Variants in TAFA1 observed in about 807,000 individuals in gnomAD.
TAFA1 encodes chemokine-like protein TAFA-1.
Under a neutral mutation model 18.5 loss-of-function variants are expected in TAFA1, and 4 were observed. The ratio of observed to expected loss-of-function variants is 0.22; its 90% confidence interval spans 0.11 to 0.49. TAFA1 has a LOEUF of 0.49. Ranked by LOEUF, TAFA1 falls within the 20% of genes least tolerant of loss-of-function variation. The pLI is 0.98. For missense variants in TAFA1, 147 were observed against 169.0 expected (o/e 0.87, Z 0.72); for synonymous variants, 56 against 55.2 (o/e 1.01, Z -0.06).
At chr3:67,999,222 G>A in the TAFA1 span, among the ~76,000 whole-genome samples, 5 of 151,140 alleles carry the variant, frequency 3.3e-5, no homozygotes, top group East Asian at 1.9e-4. Context: ...CCACACTGCC[G>A]AAAGTTCTCT....
intron 2 of TAFA1, among the ~76,000 whole-genome samples, chr3:68,275,957 G>T (rs1203555657): frequency 6.6e-6 from 1 of 152,106 alleles, no homozygotes; most frequent in Non-Finnish European, 1.5e-5. Context: ...TAGGGACCAT[G>T]TCTTCCCACT....
intron 2 of TAFA1, among the ~76,000 whole-genome samples, chr3:68,293,800 G>A (rs777205296): frequency 2.0e-5 from 3 of 152,152 alleles, no homozygotes; most frequent in African/African-American, 7.2e-5. Flanking sequence ...TTTCCAGGTC[G>A]AGAACTGTGG....
At chr3:68,486,558 A>G (rs1477584843) in intron 3 of TAFA1, among the ~76,000 whole-genome samples, 1 of 152,176 alleles carries the variant, frequency 6.6e-6, no homozygotes, top group Non-Finnish European at 1.5e-5. Flanking sequence ...TCTTTGATCT[A>G]AGACTGTTTC....
intron 2 of TAFA1, among the ~76,000 whole-genome samples, chr3:68,367,350 G>C (rs985915441): frequency 6.6e-6 from 1 of 152,162 alleles, no homozygotes; most frequent in African/African-American, 2.4e-5. Context: ...TATAAAATGT[G>C]AAAGATCTCT....
chr3:68,017,163 G>A (rs985334114), intron 2 of TAFA1, among the ~76,000 whole-genome samples: 5 of 152,294 alleles, frequency 3.3e-5, no homozygotes, highest in East Asian at 1.9e-4. Flanking sequence ...TAAGACATGA[G>A]TACATGTTAC....
In TAFA1 at chr3:68,282,846, T is replaced by C. The variant is rs913792623; in HGVS notation, c.119-134434T>C. Reference sequence around the variant, plus strand: ...ATTCCAGGTTAATTGATTCCAGATCTGTTCTTGCTAAACTGTTGGTCAGCT... The same window carrying C: ...ATTCCAGGTTAATTGATTCCAGATCCGTTCTTGCTAAACTGTTGGTCAGCT... On this transcript the variant is annotated intron_variant, in intron 2 of 4. Transcript: ENST00000478136. Among the ~76,000 whole-genome samples the C allele has an allele frequency of 2.0e-5, 3 of 152,196 alleles. No individual in the cohort carries two copies. The South Asian group carries it at 6.2e-4, about 32-fold the overall frequency.
chr3:68,071,181 A>C (rs1171482217), intron 2 of TAFA1, among the ~76,000 whole-genome samples: 1 of 152,272 alleles, frequency 6.6e-6, no homozygotes, highest in Non-Finnish European at 1.5e-5. Context: ...ATGAACTTAC[A>C]GTTCCATGTG....
At chr3:68,096,282 A>G (rs934462120) in intron 2 of TAFA1, among the ~76,000 whole-genome samples, 1 of 152,126 alleles carries the variant, frequency 6.6e-6, no homozygotes, top group Non-Finnish European at 1.5e-5. Flanking sequence ...ATGGTCAAAT[A>G]GTATTCCATT....
chr3:68,538,726 C>T lies in TAFA1; in HGVS notation c.260-30C>T, dbSNP rs759854366. The T allele has an allele frequency of 3.4e-5, 55 of 1,610,754 alleles. No individual in the cohort carries two copies. The Admixed American group carries it at 8.7e-4, about 26-fold the overall frequency. ...GTGTTCAGGTTGTTTGGATGAATTG[C>T]AAACACAGTTGTTTCCTGTTTCTGC... On this transcript the variant is annotated intron_variant, in intron 3 of 4. Coordinates refer to ENST00000478136, the MANE Select transcript of TAFA1 (RefSeq NM_213609.4).
At chr3:68,355,693 T>C (rs1559631051) in intron 2 of TAFA1, among the ~76,000 whole-genome samples, 1 of 152,000 alleles carries the variant, frequency 6.6e-6, no homozygotes, top group Non-Finnish European at 1.5e-5. Context: ...GCATACTTTA[T>C]GTAGCTCCAG....
intron 2 of TAFA1, among the ~76,000 whole-genome samples, chr3:68,102,510 G>A (rs1436895082): frequency 6.6e-6 from 1 of 152,120 alleles, no homozygotes; most frequent in Non-Finnish European, 1.5e-5. Flanking sequence ...ATGCACAGAA[G>A]GCTGGCTCTC....
chr3:68,218,890 C>T (rs113799812), intron 2 of TAFA1, among the ~76,000 whole-genome samples: 3 of 152,164 alleles, frequency 2.0e-5, no homozygotes, highest in Non-Finnish European at 2.9e-5. Flanking sequence ...TCTTACTATC[C>T]GTGACCATCA....
chr3:68,368,862 T>C (rs181089864), intron 2 of TAFA1, among the ~76,000 whole-genome samples: 4 of 152,346 alleles, frequency 2.6e-5, no homozygotes, highest in African/African-American at 9.6e-5. Context: ...GTATTCTGAA[T>C]TCGTTGCTTA....
At chr3:68,157,973 C>T (rs946388781) in intron 2 of TAFA1, among the ~76,000 whole-genome samples, 4 of 152,148 alleles carry the variant, frequency 2.6e-5, no homozygotes, top group Admixed American at 1.3e-4. Context: ...TCAATCTATT[C>T]CCTCAGTCTT....
At chr3:68,129,610 G>T (rs1170409740) in intron 2 of TAFA1, among the ~76,000 whole-genome samples, 1 of 152,056 alleles carries the variant, frequency 6.6e-6, no homozygotes, top group Non-Finnish European at 1.5e-5. Flanking sequence ...CATGATAATT[G>T]TTCTTCAAAG....
At chr3:68,326,973 G>T (rs544487069) in intron 2 of TAFA1, among the ~76,000 whole-genome samples, 5 of 152,276 alleles carry the variant, frequency 3.3e-5, no homozygotes, top group Non-Finnish European at 5.9e-5. Flanking sequence ...TGTAGCTCCC[G>T]TAATTCCAAG....
At chr3:68,538,943 G>GTGCAAACAGCATCCACAGAAGCTT in intron 4 of TAFA1, 63 bp downstream of exon 4, 1 of 1,553,642 alleles carries the variant, frequency 6.4e-7, no homozygotes, top group Non-Finnish European at 8.8e-7. Flanking sequence ...AGTTTGTGCT[G>GTGCAAACAGCATCCACAGAAGCTT]TGCAAACAGC....
chr3:68,321,887 T>C lies in TAFA1; in HGVS notation c.119-95393T>C, dbSNP rs186899375. On this transcript the variant is annotated intron_variant, in intron 2 of 4. Transcript: ENST00000478136. ...CTGAAAAGGCCCAAAATATGAATAA[T>C]CACTTTCTTCTCTCTTCCATTAATA... Among the ~76,000 whole-genome samples the C allele has an allele frequency of 3.3e-5, 5 of 152,340 alleles. No individual in the cohort carries two copies. The East Asian group carries it at 7.7e-4, about 24-fold the overall frequency.
intron 2 of TAFA1, among the ~76,000 whole-genome samples, chr3:68,028,373 C>G (rs1704861311): frequency 6.6e-6 from 1 of 152,018 alleles, no homozygotes; most frequent in Non-Finnish European, 1.5e-5. Context: ...AATTTTCTAG[C>G]TAGCCACATA....
Sources: allele counts gnomAD v4.1 joint callset (sites outside exome capture counted in the v4.1 genomes callset), GRCh38; gene constraint gnomAD v4.1.1; transcripts MANE v1.5; gene names NCBI Gene and HGNC (gene_info 2026-07-23, HGNC 2026-07-21).